The following PRKACB variants were observed in gnomAD, a reference collection of about 807,000 sequenced individuals.
The protein encoded by PRKACB is protein kinase cAMP-activated catalytic subunit beta.
A neutral mutation model predicts 51.4 loss-of-function variants in PRKACB; 16 were observed. The ratio of observed to expected loss-of-function variants is 0.31; its 90% CI spans 0.21 to 0.47. PRKACB has a LOEUF of 0.47. Ranked by LOEUF, PRKACB falls within the 20% of genes least tolerant of loss-of-function variation. PRKACB has a pLI of 1.00. For missense variants in PRKACB, 309 were observed against 464.5 expected, an observed-to-expected ratio of 0.67 and a Z score of 3.08; for synonymous variants, 147 against 154.4, an observed-to-expected ratio of 0.95 and a Z score of 0.35.
intron 1 of PRKACB, among the ~76,000 whole-genome samples, chr1:84,082,759 C>A (rs1553157254): frequency 6.6e-6 from 1 of 152,142 alleles, no homozygotes; most frequent in Non-Finnish European, 1.5e-5. Flanking sequence ...GAAACTGAAT[C>A]TTTAACTTAC....
chr1:84,198,760 C>T (rs941730825), intron 7 of PRKACB, among the ~76,000 whole-genome samples: 1 of 149,642 alleles, frequency 6.7e-6, no homozygotes, highest in African/African-American at 2.4e-5. Flanking sequence ...AAACAAACAA[C>T]CAAAAAAAAA....
intron 8 of PRKACB, among the ~76,000 whole-genome samples, chr1:84,205,760 G>A (rs186328169): frequency 6.6e-6 from 1 of 152,102 alleles, no homozygotes; most frequent in African/African-American, 2.4e-5. Flanking sequence ...TGCACACAAA[G>A]ATGATCAATC....
At chr1:84,078,326 A>G (rs769507623) in exon 1 of PRKACB, 8 of 1,607,704 alleles carry the variant, frequency 5.0e-6, no homozygotes, top group South Asian at 2.2e-5. Context: ...CGCCCCAGAC[A>G]TGGGGAACGC....
At chr1:84,078,297 C>G in exon 1 of PRKACB, 1 of 1,600,428 alleles carries the variant, frequency 6.2e-7, no homozygotes, top group Non-Finnish European at 8.5e-7. Context: ...CCTTCCCTTC[C>G]CTGACCCCTT....
intron 1 of PRKACB, among the ~76,000 whole-genome samples, chr1:84,090,775 TTTG>T (rs898475886): frequency 1.3e-5 from 2 of 152,156 alleles, no homozygotes; most frequent in African/African-American, 2.4e-5. Flanking sequence ...CTGCATTCTG[TTTG>T]TTAAGTGAGT....
At chr1:84,149,104 T>C (rs1285543251) in intron 1 of PRKACB, among the ~76,000 whole-genome samples, 1 of 152,188 alleles carries the variant, frequency 6.6e-6, no homozygotes, top group Non-Finnish European at 1.5e-5. Context: ...CATTTTAATA[T>C]GATTTCCAAA....
intron 9 of PRKACB, among the ~76,000 whole-genome samples, chr1:84,221,796 A>G (rs1673764610): frequency 6.6e-6 from 1 of 152,164 alleles, no homozygotes; most frequent in Non-Finnish European, 1.5e-5. Flanking sequence ...AAATCTTGAT[A>G]TGATTTCAAG....
chr1:84,195,603 A>G (rs1206651650), intron 5 of PRKACB, among the ~76,000 whole-genome samples: 4 of 152,194 alleles, frequency 2.6e-5, no homozygotes, highest in African/African-American at 9.6e-5. Flanking sequence ...ACACTGATCT[A>G]TTAATCTAAT....
chr1:84,106,010 T>C (rs550127629), intron 1 of PRKACB, among the ~76,000 whole-genome samples: 1 of 146,342 alleles, frequency 6.8e-6, no homozygotes, highest in Non-Finnish European at 1.5e-5. Context: ...TAATAATAAC[T>C]ATTTACATTA....
At chr1:84,211,485 T>G (rs148234376) in intron 8 of PRKACB, among the ~76,000 whole-genome samples, 7 of 152,312 alleles carry the variant, frequency 4.6e-5, no homozygotes, top group African/African-American at 1.7e-4. Context: ...GTAGACAGTG[T>G]GCCTTTTGAA....
At chr1:84,136,801 T>G (rs1310242432) in intron 1 of PRKACB, among the ~76,000 whole-genome samples, 1 of 152,200 alleles carries the variant, frequency 6.6e-6, no homozygotes, top group Non-Finnish European at 1.5e-5. Context: ...AGTAGGTGAA[T>G]GGATAAACTG....
At chr1:84,085,095 G>T (rs1647856860) in intron 1 of PRKACB, among the ~76,000 whole-genome samples, 2 of 152,032 alleles carry the variant, frequency 1.3e-5, no homozygotes, top group Admixed American at 1.3e-4. Context: ...GTACTGATGA[G>T]AACAATGTAA....
chr1:84,185,323 C>T (rs1257912495), intron 5 of PRKACB, 141 bp downstream of exon 5: 1 of 513,848 alleles, frequency 1.9e-6, no homozygotes, highest in Non-Finnish European at 3.4e-6. Context: ...AACAAAGAGG[C>T]CACATCATAC....
intron 1 of PRKACB, among the ~76,000 whole-genome samples, chr1:84,151,889 G>A (rs115856370): frequency 0.012 from 1,883 of 152,256 alleles, 19 homozygotes; most frequent in Admixed American, 0.019. Flanking sequence ...CCAAACTCCT[G>A]TTGATGTTGA....
chr1:84,096,536 C>T (rs951302085), intron 1 of PRKACB, among the ~76,000 whole-genome samples: 2 of 152,010 alleles, frequency 1.3e-5, no homozygotes. Context: ...GAGGAAATGC[C>T]CTGAGGGCAA....
chr1:84,191,373 G>A (rs546864513), intron 5 of PRKACB, among the ~76,000 whole-genome samples: 78 of 152,140 alleles, frequency 5.1e-4, no homozygotes, highest in African/African-American at 1.6e-3. Flanking sequence ...GGATTGTAAG[G>A]TATAAGCTGA....
Position 84,236,220 on chromosome 1 carries a change from C to T in PRKACB, c.*915C>T, listed in dbSNP as rs570811520. On this transcript the variant is annotated 3_prime_UTR_variant, in exon 10 of 10. Coordinates refer to ENST00000370685, the MANE Select transcript of PRKACB (RefSeq NM_182948.4). Reference sequence around the variant, plus strand: ...AAATTTTAAATTTTCTCTAATAGTCCTCATCATAAACTTTTTAAAGGAAAA... The same window carrying T: ...AAATTTTAAATTTTCTCTAATAGTCTTCATCATAAACTTTTTAAAGGAAAA... The T allele has an allele frequency of 2.0e-5, 3 of 152,572 alleles. No homozygotes were observed. Among genetic ancestry groups the T allele is most frequent in the East Asian group, 3.9e-4 (2 of 5,184 alleles). 9.5% of individuals were successfully genotyped at this position (152,572 alleles called of 1,614,324 possible).
chr1:84,175,831 C>A, intron 1 of PRKACB: 1 of 1,529,332 alleles, frequency 6.5e-7, no homozygotes, highest in East Asian at 2.3e-5. Context: ...CTTTAGAATG[C>A]AATGTGATAG....
intron 9 of PRKACB, among the ~76,000 whole-genome samples, chr1:84,219,016 C>T (rs1230608744): frequency 2.0e-5 from 3 of 152,012 alleles, no homozygotes; most frequent in Non-Finnish European, 4.4e-5. Context: ...TATTGGAGTT[C>T]CTTGTATATT....
Sources: allele counts gnomAD v4.1 joint callset (sites outside exome capture counted in the v4.1 genomes callset), GRCh38; gene constraint gnomAD v4.1.1; transcripts MANE v1.5; gene names NCBI Gene and HGNC (gene_info 2026-07-23, HGNC 2026-07-21).